PARD3: variants seen among roughly 807,000 people sequenced by gnomAD.
PARD3 encodes the protein partitioning defective 3 homolog.
A neutral mutation model predicts 155.4 loss-of-function variants in PARD3; 75 were observed. The ratio of observed to expected loss-of-function variants is 0.48; its 90% CI spans 0.40 to 0.58. The LOEUF (loss-of-function observed/expected upper bound fraction) is 0.58. Among genes scored for constraint, PARD3 ranks in the 20% least tolerant of loss-of-function variants. PARD3 has a pLI of 0.00. For missense variants in PARD3, 1,642 were observed against 1,721.7 expected (o/e 0.95, Z 0.82); for synonymous variants, 576 against 610.5 (o/e 0.94, Z 0.83).
At chr10:34,550,263 C>G (rs2084434027) in intron 2 of PARD3, among the ~76,000 whole-genome samples, 1 of 152,160 alleles carries the variant, frequency 6.6e-6, no homozygotes. Flanking sequence ...ACTCTGTCAC[C>G]CAGGCTGGAG....
chr10:34,355,603 G>C (rs1309727261), intron 14 of PARD3, among the ~76,000 whole-genome samples: 1 of 151,972 alleles, frequency 6.6e-6, no homozygotes, highest in Non-Finnish European at 1.5e-5. Context: ...CAAGGGAGTG[G>C]AGATCAGCTA....
intron 2 of PARD3, among the ~76,000 whole-genome samples, chr10:34,548,529 G>A (rs1460347508): frequency 6.6e-5 from 10 of 151,044 alleles, no homozygotes; most frequent in East Asian, 3.9e-4. Context: ...ATAAAATAGC[G>A]TGGTCACGTA....
chr10:34,553,118 G>C (rs1032390221), intron 2 of PARD3, among the ~76,000 whole-genome samples: 1 of 152,206 alleles, frequency 6.6e-6, no homozygotes, highest in African/African-American at 2.4e-5. Context: ...GCAGAACGGA[G>C]GTTAATCGCC....
chr10:34,330,969 G>T (rs149047333), intron 19 of PARD3, 148 bp downstream of exon 19: 1 of 639,350 alleles, frequency 1.6e-6, no homozygotes, highest in East Asian at 2.8e-5. Flanking sequence ...AAATAATATC[G>T]TCTTATTATG....
At chr10:34,184,458 T>G (rs1038595106) in intron 22 of PARD3, among the ~76,000 whole-genome samples, 3 of 152,182 alleles carry the variant, frequency 2.0e-5, no homozygotes, top group African/African-American at 7.2e-5. Context: ...CATAGGGGGT[T>G]TAGAGAATTA....
chr10:34,237,114 T>C (rs2133616974), intron 22 of PARD3, among the ~76,000 whole-genome samples: 1 of 152,294 alleles, frequency 6.6e-6, no homozygotes, highest in East Asian at 1.9e-4. Context: ...AATGAGCATG[T>C]GTCTGTAAAC....
intron 2 of PARD3, among the ~76,000 whole-genome samples, chr10:34,658,152 A>T (rs868556897): frequency 3.3e-5 from 5 of 151,604 alleles, no homozygotes; most frequent in Admixed American, 2.0e-4. Flanking sequence ...TCTCAAAAAA[A>T]AAAAAAAGAA....
chr10:34,145,204 TATATATATA>T (rs1948411386), intron 22 of PARD3, among the ~76,000 whole-genome samples: 1 of 64,234 alleles, frequency 1.6e-5, no homozygotes, highest in African/African-American at 8.2e-5. Flanking sequence ...TATATATATA[TATATATATA>T]TATATATATT....
At chr10:34,653,214 A>T (rs1339946567) in intron 2 of PARD3, among the ~76,000 whole-genome samples, 1 of 152,140 alleles carries the variant, frequency 6.6e-6, no homozygotes, top group Non-Finnish European at 1.5e-5. Context: ...TTCGAACATT[A>T]AAAAAAGATA....
intron 22 of PARD3, among the ~76,000 whole-genome samples, chr10:34,210,918 C>T (rs761670282): frequency 6.6e-6 from 1 of 152,100 alleles, no homozygotes; most frequent in South Asian, 2.1e-4. Flanking sequence ...ATTAAAGGAA[C>T]GTACTGTTTT....
intron 22 of PARD3, among the ~76,000 whole-genome samples, chr10:34,214,235 G>A (rs1183524837): frequency 6.6e-6 from 1 of 152,144 alleles, no homozygotes; most frequent in Admixed American, 6.6e-5. Context: ...TTTTGATTAA[G>A]TAGAGTACCT....
intron 2 of PARD3, among the ~76,000 whole-genome samples, chr10:34,651,412 G>A (rs996387875): frequency 2.0e-5 from 3 of 152,154 alleles, no homozygotes; most frequent in Non-Finnish European, 4.4e-5. Flanking sequence ...AGAGAAAGTG[G>A]GAAACGGATT....
chr10:34,182,798 C>A (rs1395242271), intron 22 of PARD3, among the ~76,000 whole-genome samples: 1 of 151,612 alleles, frequency 6.6e-6, no homozygotes. Flanking sequence ...CTAACAGGCC[C>A]GATTTAGTGA....
At chr10:34,734,326 T>G in intron 1 of PARD3, among the ~76,000 whole-genome samples, 1 of 23,924 alleles carries the variant, frequency 4.2e-5, no homozygotes, top group East Asian at 6.4e-4. Flanking sequence ...GGGGCCCTTT[T>G]TTTTTTTTTT....
chr10:34,381,659 T>G (rs1841838712), intron 9 of PARD3, among the ~76,000 whole-genome samples: 1 of 151,894 alleles, frequency 6.6e-6, no homozygotes, highest in Admixed American at 6.6e-5. Context: ...GGCCTGGACA[T>G]GGTGGCTCAC....
At chr10:34,284,793 T>C (rs1236299246) in intron 20 of PARD3, among the ~76,000 whole-genome samples, 1 of 152,208 alleles carries the variant, frequency 6.6e-6, no homozygotes, top group Non-Finnish European at 1.5e-5. Flanking sequence ...TTTAATTAAA[T>C]TGAAAGGTTT....
chr10:34,658,301 T>TA (rs1408765277), intron 2 of PARD3, among the ~76,000 whole-genome samples: 2 of 152,262 alleles, frequency 1.3e-5, no homozygotes, highest in African/African-American at 4.8e-5. Context: ...TAAATTCAAT[T>TA]TGCTGAATTC....
intron 22 of PARD3, among the ~76,000 whole-genome samples, chr10:34,233,426 G>A (rs1953044777): frequency 6.6e-6 from 1 of 151,824 alleles, no homozygotes; most frequent in Admixed American, 6.6e-5. Flanking sequence ...TCTCTCCCTC[G>A]ATGATATCGT....
Position 34,375,053 on chromosome 10 carries a change from AACACACACACACAC to A in PARD3, c.1540-65_1540-52del, listed in dbSNP as rs35263377. The A allele has an allele frequency of 1.8e-3, 1,387 of 783,620 alleles. 5 individuals are homozygous for A. The African/African-American group carries it at 0.019, about 11-fold the overall frequency. 48.5% of individuals were successfully genotyped at this position (783,620 alleles called of 1,614,324 possible). On this transcript the variant is annotated intron_variant, in intron 10 of 24. Coordinates refer to ENST00000374788, the MANE Select transcript of PARD3 (RefSeq NM_001184785.2). ...TGTAATCCTGTGGAAACAACAGGAA[AACACACACACACAC>A]ACACACACACACACACACACACACA...
Sources: gnomAD v4.1 joint callset for allele counts (sites outside exome capture counted in the v4.1 genomes callset) on GRCh38, gnomAD v4.1.1 for gene constraint, MANE v1.5 for transcripts, NCBI Gene and HGNC (gene_info 2026-07-23, HGNC 2026-07-21) for gene names.